The following PELI2 variants were observed in gnomAD, a reference collection of about 807,000 sequenced individuals.
PELI2 encodes pellino E3 ubiquitin protein ligase family member 2, also known as E3 ubiquitin-protein ligase pellino homolog 2.
PELI2 carries 23 observed loss-of-function variants against 42.3 expected under a neutral mutation model. The observed-to-expected ratio is 0.54, with a 90% CI of 0.39 to 0.77. The LOEUF (loss-of-function observed/expected upper bound fraction) is 0.77. Among genes scored for constraint, PELI2 ranks in the 30% least tolerant of loss-of-function variants. The probability of loss-of-function intolerance (pLI) is 0.00; values close to 1 mark genes in which losing one functional copy is unlikely to be tolerated. For missense variants in PELI2, 463 were observed against 553.2 expected (o/e 0.84, Z 1.64); for synonymous variants, 245 against 212.2 (o/e 1.15, Z -1.34).
intron 5 of PELI2, chr14:56,292,865 T>C: frequency 1.1e-6 from 1 of 917,838 alleles, no homozygotes; most frequent in Non-Finnish European, 1.3e-6. Context: ...AATGATAACA[T>C]ATGGTAACAT....
intron 1 of PELI2, among the ~76,000 whole-genome samples, chr14:56,177,871 A>T (rs1885441460): frequency 1.3e-5 from 2 of 152,230 alleles, no homozygotes; most frequent in Non-Finnish European, 2.9e-5. Context: ...GTTGTCTTAC[A>T]AATAAAGATC....
intron 3 of PELI2, among the ~76,000 whole-genome samples, chr14:56,283,669 G>A (rs1594713493): frequency 1.3e-5 from 2 of 152,288 alleles, no homozygotes; most frequent in East Asian, 3.9e-4. Flanking sequence ...AAGGCCAGAA[G>A]AGAAGAGGCA....
At chr14:56,182,501 G>A (rs1273362557) in intron 2 of PELI2, among the ~76,000 whole-genome samples, 2 of 152,166 alleles carry the variant, frequency 1.3e-5, no homozygotes, top group Non-Finnish European at 2.9e-5. Flanking sequence ...CATTACTATG[G>A]AAAACTCTTC....
chr14:56,294,920 T>A (rs1889950175), intron 5 of PELI2, among the ~76,000 whole-genome samples: 1 of 152,080 alleles, frequency 6.6e-6, no homozygotes, highest in South Asian at 2.1e-4. Context: ...CCCAGAGAGG[T>A]TAAGTCGTTG....
chr14:56,132,548 C>G (rs1033353037), intron 1 of PELI2, among the ~76,000 whole-genome samples: 5 of 152,052 alleles, frequency 3.3e-5, no homozygotes, highest in Admixed American at 1.3e-4. Context: ...GATGGCTTGG[C>G]CTGCTTATGT....
intron 2 of PELI2, among the ~76,000 whole-genome samples, chr14:56,277,604 A>C (rs534227045): frequency 6.6e-5 from 10 of 152,146 alleles, no homozygotes; most frequent in Non-Finnish European, 1.5e-4. Flanking sequence ...TCCATGGAAA[A>C]ATTGTCTTCC....
chr14:56,155,832 C>A (rs534995779), intron 1 of PELI2, among the ~76,000 whole-genome samples: 5 of 152,206 alleles, frequency 3.3e-5, no homozygotes, highest in South Asian at 4.2e-4. Context: ...ATCCGCCCCC[C>A]CTCAGCCTCC....
intron 2 of PELI2, among the ~76,000 whole-genome samples, chr14:56,216,581 T>C (rs1377898257): frequency 6.6e-6 from 1 of 152,274 alleles, no homozygotes; most frequent in Non-Finnish European, 1.5e-5. Flanking sequence ...CTCTCTTATT[T>C]GCAGTGACCG....
In PELI2 at chr14:56,118,439, C is replaced by A. The variant is rs1179882257; in HGVS notation, c.-222C>A. 2.7e-5 allele frequency: 8 copies of A among 299,888 alleles called. No homozygotes were observed. The highest frequency in any genetic ancestry group is 8.9e-4 in the Middle Eastern group (1 of 1,118). The allele number at this position is 299,888 out of a possible 1,614,324, so 18.6% of individuals were successfully genotyped here. A position where few individuals can be genotyped will look rare whatever the true frequency, so the allele number is the denominator to read the frequency against. ...ATTTGTTGCCGGCTCTGACTCGGGG[C>A]GGCCGCGGCGCGCGGAGCTCCGGGG... is the stretch of plus-strand genomic sequence containing the variant. On this transcript the variant is annotated 5_prime_UTR_variant, in exon 1 of 6. Coordinates refer to ENST00000267460, the MANE Select transcript of PELI2 (RefSeq NM_021255.3).
In PELI2 at chr14:56,239,366, T is replaced by A. The variant is rs576634448; in HGVS notation, c.208-40310T>A. 2.0e-5 allele frequency among the ~76,000 whole-genome samples: 3 copies of A among 152,314 alleles called. No homozygotes were observed. In the South Asian group the frequency reaches 6.2e-4, roughly 32 times the overall value. On this transcript the variant is annotated intron_variant, in intron 2 of 5. Transcript: ENST00000267460. ...TCTGCTTTTAAAAATTCCTGGACTTTCCAAGAGAATGTCTCCTAACTTTGA... is the reference window on the plus strand; with the variant it reads ...TCTGCTTTTAAAAATTCCTGGACTTACCAAGAGAATGTCTCCTAACTTTGA...
intron 1 of PELI2, among the ~76,000 whole-genome samples, chr14:56,162,810 G>C (rs1044600342): frequency 6.6e-6 from 1 of 152,170 alleles, no homozygotes; most frequent in Non-Finnish European, 1.5e-5. Flanking sequence ...ATTTGAACTG[G>C]GGTGAAATGA....
intron 2 of PELI2, among the ~76,000 whole-genome samples, chr14:56,244,094 G>A (rs1186522916): frequency 1.3e-5 from 2 of 152,090 alleles, no homozygotes; most frequent in Non-Finnish European, 2.9e-5. Context: ...ACAAAATAGT[G>A]TTTTCCAGGG....
chr14:56,227,561 T>C (rs1320428424), intron 2 of PELI2, among the ~76,000 whole-genome samples: 2 of 152,200 alleles, frequency 1.3e-5, no homozygotes, highest in Non-Finnish European at 2.9e-5. Context: ...CGTGCAGACA[T>C]AGAAATAAGT....
intron 5 of PELI2, among the ~76,000 whole-genome samples, chr14:56,295,025 A>T (rs2139907414): frequency 6.6e-6 from 1 of 152,068 alleles, no homozygotes; most frequent in East Asian, 1.9e-4. Context: ...GCACTGTTCT[A>T]CCCAGACAAC....
At chr14:56,271,279 A>C (rs1889095420) in intron 2 of PELI2, among the ~76,000 whole-genome samples, 1 of 152,214 alleles carries the variant, frequency 6.6e-6, no homozygotes, top group Admixed American at 6.5e-5. Context: ...CATAAACATA[A>C]ATATCAGAAG....
intron 1 of PELI2, among the ~76,000 whole-genome samples, chr14:56,153,104 T>A (rs890995153): frequency 6.6e-6 from 1 of 152,198 alleles, no homozygotes; most frequent in African/African-American, 2.4e-5. Context: ...TTCTTCCACC[T>A]GGAGATTCAT....
rs1885469843 is a variant in PELI2 at position 56,178,595 on chromosome 14, G to C, written c.207+131G>C. ...CTCAGACCATTTGAGGCTGGATAAT[G>C]CTTTGTTGTGAGGGGCTGTGCTGTG... On this transcript the variant is annotated intron_variant, in intron 2 of 5. Coordinates refer to ENST00000267460, the MANE Select transcript of PELI2 (RefSeq NM_021255.3). The C allele has an allele frequency of 2.8e-6, 3 of 1,055,402 alleles. No individual in the cohort carries two copies. The South Asian group carries it at 4.5e-5, about 16-fold the overall frequency. 65.4% of individuals were successfully genotyped at this position (1,055,402 alleles called of 1,614,324 possible). A position where few individuals can be genotyped will look rare whatever the true frequency, so the allele number is the denominator to read the frequency against.
Position 56,288,324 on chromosome 14 carries a change from C to A in PELI2, c.310-113C>A. ...GAAAATCTTGCATTAAATTCTAACC[C>A]TCAGAACAAGGATAGTGAATGTTAA... On this transcript the variant is annotated intron_variant, in intron 3 of 5. Transcript: ENST00000267460. This position sits in a 1 kb window ranked among gnomAD's most constrained non-coding sequence, Gnocchi z 4.6. 1 of 770,400 alleles carries A rather than the reference C, an allele frequency of 1.3e-6. No homozygotes were observed. The highest frequency in any genetic ancestry group is 2.2e-6 in the Non-Finnish European group (1 of 462,292). The allele number at this position is 770,400 out of a possible 1,614,324, so 47.7% of individuals were successfully genotyped here.
chr14:56,172,693 T>G (rs1452360517), intron 1 of PELI2, among the ~76,000 whole-genome samples: 1 of 152,208 alleles, frequency 6.6e-6, no homozygotes, highest in Non-Finnish European at 1.5e-5. Context: ...TTTTCAAGAT[T>G]CTTGGCTTTG....
Sources: allele counts gnomAD v4.1 joint callset (sites outside exome capture counted in the v4.1 genomes callset), GRCh38; gene constraint gnomAD v4.1.1; non-coding constraint Gnocchi (gnomAD v3.1); transcripts MANE v1.5; gene names NCBI Gene and HGNC (gene_info 2026-07-23, HGNC 2026-07-21).